SESTD1: variants seen among roughly 807,000 people sequenced by gnomAD.
SESTD1 encodes the protein SEC14 domain and spectrin repeat-containing protein 1.
SESTD1 carries 43 observed loss-of-function variants against 101.7 expected under a neutral mutation model. That is an observed-to-expected ratio of 0.42 (90% CI 0.33 to 0.55). The LOEUF (loss-of-function observed/expected upper bound fraction) is 0.55. Among genes scored for constraint, SESTD1 ranks in the 20% least tolerant of loss-of-function variants. The pLI is 0.07. For synonymous variants in SESTD1, 283 were observed against 286.8 expected (o/e 0.99, Z 0.13); for missense variants, 647 against 815.1 (o/e 0.79, Z 2.51).
chr2:179,225,601 A>G (rs751446140), intron 1 of SESTD1, among the ~76,000 whole-genome samples: 3 of 152,176 alleles, frequency 2.0e-5, no homozygotes, highest in Non-Finnish European at 4.4e-5. Flanking sequence ...GGAAGTTAAG[A>G]AGTCCATGAT....
intron 4 of SESTD1, among the ~76,000 whole-genome samples, chr2:179,174,821 C>T (rs941107849): frequency 3.3e-5 from 5 of 151,848 alleles, no homozygotes; most frequent in Non-Finnish European, 7.4e-5. Context: ...TGGTGGCGCT[C>T]GCCTCCAGTC....
intron 1 of SESTD1, among the ~76,000 whole-genome samples, chr2:179,228,424 C>T (rs2046923502): frequency 6.6e-6 from 1 of 152,174 alleles, no homozygotes; most frequent in African/African-American, 2.4e-5. Flanking sequence ...CTTGCAAATA[C>T]AGTGGCAGAA....
At chr2:179,198,026 A>G (rs141979215) in intron 1 of SESTD1, among the ~76,000 whole-genome samples, 4,020 of 152,332 alleles carry the variant, frequency 0.026, 83 homozygotes, top group Non-Finnish European at 0.035. Flanking sequence ...AACTGGATAA[A>G]GAGTCAAGAC....
chr2:179,142,505 C>G (rs2045301948), intron 9 of SESTD1, among the ~76,000 whole-genome samples: 1 of 152,128 alleles, frequency 6.6e-6, no homozygotes, highest in Non-Finnish European at 1.5e-5. Context: ...GGTCACACAG[C>G]TAAGTGAAGA....
At chr2:179,231,130 A>G (rs1398942848) in intron 1 of SESTD1, among the ~76,000 whole-genome samples, 1 of 152,206 alleles carries the variant, frequency 6.6e-6, no homozygotes, top group Non-Finnish European at 1.5e-5. Context: ...GCAGGAACTC[A>G]AGGAAAATTG....
At chr2:179,252,724 TAC>T (rs1246004940) in intron 1 of SESTD1, among the ~76,000 whole-genome samples, 5 of 152,200 alleles carry the variant, frequency 3.3e-5, no homozygotes, top group African/African-American at 1.2e-4. Context: ...ATTGTTTTAG[TAC>T]AGATACCACA....
At chr2:179,177,883 C>T (rs934339457) in intron 3 of SESTD1, among the ~76,000 whole-genome samples, 1 of 152,152 alleles carries the variant, frequency 6.6e-6, no homozygotes, top group East Asian at 1.9e-4. Flanking sequence ...GAATGAAGTA[C>T]TGACAGTTGC....
At chr2:179,169,520 T>A (rs945813133) in intron 5 of SESTD1, among the ~76,000 whole-genome samples, 6 of 152,086 alleles carry the variant, frequency 3.9e-5, no homozygotes, top group African/African-American at 1.4e-4. Flanking sequence ...CTCTTTCAGT[T>A]ATTAAAAAAA....
chr2:179,240,407 A>C (rs1371721323), intron 1 of SESTD1, among the ~76,000 whole-genome samples: 2 of 152,188 alleles, frequency 1.3e-5, no homozygotes, highest in African/African-American at 4.8e-5. Flanking sequence ...CATATAAAAC[A>C]AGCCTAAGAA....
rs143116823 is a variant in SESTD1, at chr2:179,230,296, C to T, written c.-26+34203G>A. 1.3e-3 allele frequency among the ~76,000 whole-genome samples: 197 copies of T among 151,646 alleles called. 1 individual carries two copies. The highest frequency in any genetic ancestry group is 4.4e-3 in the African/African-American group (183 of 41,408). On this transcript the variant is annotated intron_variant, in intron 1 of 17. Transcript: ENST00000428443. ...GGCTACAGGCACACACCACCATATC[C>T]GGCTAATTTTTGTATTTTTTGTAGA...
intron 1 of SESTD1, among the ~76,000 whole-genome samples, chr2:179,236,412 A>G (rs2047067246): frequency 6.6e-6 from 1 of 151,134 alleles, no homozygotes; most frequent in Non-Finnish European, 1.5e-5. Context: ...TGGGAGGACC[A>G]CTTGAGCCCA....
intron 1 of SESTD1, among the ~76,000 whole-genome samples, chr2:179,262,006 G>T (rs2047489936): frequency 6.6e-6 from 1 of 152,080 alleles, no homozygotes; most frequent in South Asian, 2.1e-4. Flanking sequence ...ACAAAATGTG[G>T]CATAGCCATA....
intron 1 of SESTD1, among the ~76,000 whole-genome samples, chr2:179,238,064 C>A (rs1162944242): frequency 6.6e-6 from 1 of 152,048 alleles, no homozygotes; most frequent in Admixed American, 6.5e-5. Flanking sequence ...GTACTATATA[C>A]AATATTCTTA....
chr2:179,202,476 T>A (rs1307834585), intron 1 of SESTD1, among the ~76,000 whole-genome samples: 1 of 134,896 alleles, frequency 7.4e-6, no homozygotes. Context: ...TTTCTTGATA[T>A]GTCTAAATTC....
In SESTD1 at chr2:179,210,318, C is replaced by A. The variant is rs764987595; in HGVS notation, c.-25-18452G>T. Among the ~76,000 whole-genome samples the A allele has an allele frequency of 8.9e-5, 12 of 134,470 alleles. 2 individuals carry two copies. The highest frequency in any genetic ancestry group is 1.1e-4 in the Non-Finnish European group (7 of 62,570). The allele number at this position is 134,470 out of a possible 152,430, so 88.2% of individuals were successfully genotyped here. On this transcript the variant is annotated intron_variant, in intron 1 of 17. Coordinates refer to ENST00000428443, the MANE Select transcript of SESTD1 (RefSeq NM_178123.5). Reference sequence around the variant, plus strand: ...TTCCAAGATAAACAGGGAATCCTCCCTAAATCATTCTGTGAAGCCAGTATT... The same window carrying A: ...TTCCAAGATAAACAGGGAATCCTCCATAAATCATTCTGTGAAGCCAGTATT...
In SESTD1 at chr2:179,165,776, CT is replaced by C. The variant is rs2045823792; in HGVS notation, c.369+6343del. On this transcript the variant is annotated intron_variant, in intron 5 of 17. Coordinates refer to ENST00000428443, the MANE Select transcript of SESTD1 (RefSeq NM_178123.5). ...TTCCCTTACATTACTGGCACACATC[CT>C]TCCACAAAGTCTACATAATAGTCAA... Among the ~76,000 whole-genome samples the C allele has an allele frequency of 2.0e-5, 3 of 152,198 alleles. No individual in the cohort carries two copies. The South Asian group carries it at 6.2e-4, about 31-fold the overall frequency.
chr2:179,263,982 A>G (rs1056674196), intron 1 of SESTD1: 5 of 152,188 alleles, frequency 3.3e-5, no homozygotes, highest in Non-Finnish European at 7.3e-5. Flanking sequence ...CCCACCCGAC[A>G]GGGCCGGTCA....
Position 179,104,996 on chromosome 2 carries a change from T to G in SESTD1, c.*4903A>C, listed in dbSNP as rs1315616721. 2.0e-5 allele frequency: 3 copies of G among 152,110 alleles called. No individual in the cohort carries two copies. The highest frequency in any genetic ancestry group is 4.4e-5 in the Non-Finnish European group (3 of 68,006). 9.4% of individuals were successfully genotyped at this position (152,110 alleles called of 1,614,324 possible). A position where few individuals can be genotyped will look rare whatever the true frequency, so the allele number is the denominator to read the frequency against. Reference sequence around the variant, plus strand: ...CATATTAAGTGTCATACCCATGAACTTTTTTCAGTCTTAAAGACTCCCCTG... The same window carrying G: ...CATATTAAGTGTCATACCCATGAACGTTTTTCAGTCTTAAAGACTCCCCTG... On this transcript the variant is annotated 3_prime_UTR_variant, in exon 18 of 18. Coordinates refer to ENST00000428443, the MANE Select transcript of SESTD1 (RefSeq NM_178123.5).
intron 9 of SESTD1, among the ~76,000 whole-genome samples, chr2:179,136,052 G>A (rs902827595): frequency 2.6e-5 from 4 of 151,974 alleles, no homozygotes; most frequent in African/African-American, 4.8e-5. Context: ...ATTTTTTCAC[G>A]AAAGAGACAG....
Sources: gnomAD v4.1 joint callset for allele counts (sites outside exome capture counted in the v4.1 genomes callset) on GRCh38, gnomAD v4.1.1 for gene constraint, MANE v1.5 for transcripts, NCBI Gene and HGNC (gene_info 2026-07-23, HGNC 2026-07-21) for gene names.